Variants in HOXB6 observed in about 807,000 individuals in gnomAD.
The protein encoded by HOXB6 is homeobox B6, also known as homeobox protein Hox-B6.
A neutral mutation model predicts 24.2 loss-of-function variants in HOXB6; 18 were observed. The ratio of observed to expected loss-of-function variants is 0.74; its 90% CI spans 0.51 to 1.10. The LOEUF (loss-of-function observed/expected upper bound fraction) is 1.10, where lower values mean the gene tolerates loss of function less well. HOXB6 is among the 50% of genes least tolerant of loss of function. The pLI, the probability that HOXB6 is intolerant of heterozygous loss-of-function variation, is 0.00. For synonymous variants in HOXB6, 159 were observed against 139.1 expected, an observed-to-expected ratio of 1.14 and a Z score of -1.01; for missense variants, 332 against 308.3, an observed-to-expected ratio of 1.08 and a Z score of -0.58.
chr17:48,598,181 C>A lies in HOXB6; in HGVS notation c.-31G>T, dbSNP rs1011905095. On this transcript the variant is annotated 5_prime_UTR_variant, in exon 3 of 4. Coordinates refer to ENST00000225648, the MANE Select transcript of HOXB6 (RefSeq NM_018952.5). The stretch of plus-strand genomic sequence containing the variant: ...GGGGAGGCGCGCGCGGCCGCTGCTG[C>A]TCCGCCGGGTTTATGATTTGTTGTG... The A allele has an allele frequency of 3.2e-6, 5 of 1,544,280 alleles. No homozygotes were observed. Among genetic ancestry groups the A allele is most frequent in the Non-Finnish European group, 4.4e-6 (5 of 1,142,810 alleles).
chr17:48,598,367 G>A, intron 2 of HOXB6, 139 bp from the exon 3 acceptor site: 1 of 525,390 alleles, frequency 1.9e-6, no homozygotes, highest in Non-Finnish European at 3.3e-6. Context: ...CACCCAGGAG[G>A]AGCGCAGCCC....
chr17:48,600,819 G>A (rs745647531), intron 2 of HOXB6, among the ~76,000 whole-genome samples: 4 of 152,196 alleles, frequency 2.6e-5, no homozygotes, highest in Non-Finnish European at 4.4e-5. Context: ...GTACATAACA[G>A]AGGGATTGTA....
At position 48,598,122 on chromosome 17, in the gene HOXB6, A is replaced by G. The variant is rs1597875039; in HGVS notation, c.29T>C (p.Phe10Ser). Residue 10 changes from phenylalanine to serine, a missense_variant, in exon 3 of 4, where the codon TTC becomes TCC. By Grantham distance (155) the Phe-to-Ser change is radical. Coordinates refer to ENST00000225648, the MANE Select transcript of HOXB6 (RefSeq NM_018952.5). ...CTGCCCGCTGGCCAGAGTGACGGGG[A>G]AGGTGGAGTTCACGAAATAGGAACT... MSSYFVNST[F>S]PVTLASGQES... The G allele has an allele frequency of 4.4e-6, 7 of 1,594,318 alleles. No homozygotes were observed. The highest frequency in any genetic ancestry group is 1.7e-5 in the Admixed American group (1 of 58,784).
Position 48,596,919 on chromosome 17 carries a change from G to C in HOXB6, c.416-247C>G, listed in dbSNP as rs1406455077. The C allele has an allele frequency of 2.6e-5, 36 of 1,379,202 alleles. No homozygotes were observed. The highest frequency in any genetic ancestry group is 3.4e-5 in the Non-Finnish European group (36 of 1,057,458). 85.4% of individuals were successfully genotyped at this position (1,379,202 alleles called of 1,614,324 possible). A position where few individuals can be genotyped will look rare whatever the true frequency, so the allele number is the denominator to read the frequency against. ...AGTTTGAACTCCCACCTGAGCCTGG[G>C]GGGAGGGGCTGGTCAGGTGTGTCTC... On this transcript the variant is annotated intron_variant, in intron 3 of 3. Coordinates refer to ENST00000225648, the MANE Select transcript of HOXB6 (RefSeq NM_018952.5). The surrounding 1 kb of genome is among the most constrained non-coding windows in gnomAD (Gnocchi z 4.8).
intron 2 of HOXB6, among the ~76,000 whole-genome samples, chr17:48,603,356 C>T (rs184096069): frequency 6.6e-6 from 1 of 152,300 alleles, no homozygotes; most frequent in East Asian, 1.9e-4. Flanking sequence ...GTTCTCCGCC[C>T]TCCCCACCCC....
At chr17:48,599,837 C>G (rs2070414402) in intron 2 of HOXB6, among the ~76,000 whole-genome samples, 1 of 152,208 alleles carries the variant, frequency 6.6e-6, no homozygotes, top group African/African-American at 2.4e-5. Flanking sequence ...CCCTCCTCTG[C>G]CTTGTCCTTC....
At chr17:48,597,487 C>A (rs1215202539) in intron 3 of HOXB6, among the ~76,000 whole-genome samples, 5 of 152,120 alleles carry the variant, frequency 3.3e-5, no homozygotes, top group Admixed American at 3.3e-4. Flanking sequence ...TCTGGCCAGG[C>A]GCCCCAGGAG....
rs2070288101 is a variant in HOXB6 at position 48,596,312 on chromosome 17, C to G, written c.*101G>C. The G allele has an allele frequency of 6.4e-7, 1 of 1,562,338 alleles. No individual in the cohort carries two copies. The highest frequency in any genetic ancestry group is 8.8e-7 in the Non-Finnish European group (1 of 1,136,072). On this transcript the variant is annotated 3_prime_UTR_variant, in exon 4 of 4. Coordinates refer to ENST00000225648, the MANE Select transcript of HOXB6 (RefSeq NM_018952.5). This position sits in a 1 kb window ranked among gnomAD's most constrained non-coding sequence, Gnocchi z 4.8. ...CCTGTCTGCGCCGGAGAGCAGGTCT[C>G]CTGGCTCCCCCACCCGAGAGCCTTC... is the stretch of plus-strand genomic sequence containing the variant.
chr17:48,596,148 C>A lies in HOXB6; in HGVS notation c.*265G>T. Reference sequence around the variant, plus strand: ...AGTGAGTCCGCTCCTCAGTTCTCACCAGGAAGCCTGATCAGGCTGAGGCGA... The same window carrying A: ...AGTGAGTCCGCTCCTCAGTTCTCACAAGGAAGCCTGATCAGGCTGAGGCGA... On this transcript the variant is annotated 3_prime_UTR_variant, in exon 4 of 4. Coordinates refer to ENST00000225648, the MANE Select transcript of HOXB6 (RefSeq NM_018952.5). This position sits in a 1 kb window ranked among gnomAD's most constrained non-coding sequence, Gnocchi z 4.8. The A allele has an allele frequency of 1.5e-6, 1 of 668,540 alleles. No homozygotes were observed. The highest frequency in any genetic ancestry group is 2.9e-5 in the East Asian group (1 of 34,154). The allele number at this position is 668,540 out of a possible 1,614,324, so 41.4% of individuals were successfully genotyped here.
chr17:48,604,535 G>A lies in HOXB6; in HGVS notation c.-134C>T, dbSNP rs2070540135. ...CGGATTTAAAGGAATGGGTGGGGAG[G>A]AAGGAAGGAGTATTCAGTTTCTTCT... is the stretch of plus-strand genomic sequence containing the variant. On this transcript the variant is annotated 5_prime_UTR_variant, in exon 2 of 4. Transcript: ENST00000225648. 6.6e-6 allele frequency: 1 copy of A among 152,644 alleles called. No homozygotes were observed. Among genetic ancestry groups the A allele is most frequent in the South Asian group, 2.1e-4 (1 of 4,826 alleles). 9.5% of individuals were successfully genotyped at this position (152,644 alleles called of 1,614,324 possible).
Position 48,595,926 on chromosome 17 carries a change from C to G in HOXB6, c.*487G>C. The G allele has an allele frequency of 5.8e-6, 2 of 345,100 alleles. No homozygotes were observed. The highest frequency in any genetic ancestry group is 2.2e-5 in the African/African-American group (1 of 46,080). The allele number at this position is 345,100 out of a possible 1,614,324, so 21.4% of individuals were successfully genotyped here. On this transcript the variant is annotated 3_prime_UTR_variant, in exon 4 of 4. Transcript: ENST00000225648. ...TTTGTTTTCTTCTGAGGCTCCTCTT[C>G]TTACTTCTAGGTAGTATGTGCTCCT...
chr17:48,604,202 T>A (rs2070531941), intron 2 of HOXB6: 1 of 150,224 alleles, frequency 6.7e-6, no homozygotes, highest in Non-Finnish European at 1.5e-5. Flanking sequence ...CCCCCCTTGC[T>A]TGAGTCTCTC....
intron 2 of HOXB6, among the ~76,000 whole-genome samples, chr17:48,599,515 T>C (rs2070405238): frequency 6.6e-6 from 1 of 152,238 alleles, no homozygotes; most frequent in Non-Finnish European, 1.5e-5. Context: ...AGCAGGCTGC[T>C]TCCAGCCATC....
Position 48,597,921 on chromosome 17 carries a change from G to A in HOXB6, c.230C>T (p.Ala77Val), listed in dbSNP as rs770613987. 6.4e-7 allele frequency: 1 copy of A among 1,574,114 alleles called. No homozygotes were observed. The highest frequency in any genetic ancestry group is 2.4e-5 in the East Asian group (1 of 42,198). Residue 77 changes from alanine (A) to valine (V), a missense_variant, in exon 3 of 4, where the codon GCG (alanine) becomes GTG (valine). Transcript: ENST00000225648. ...GRAAPCDYGPAPAFYREKESA... is the reference protein window; with the variant it reads ...GRAAPCDYGPVPAFYREKESA... ...CTCTTTCTCGCGGTAGAAGGCCGGC[G>A]CCGGCCCGTAGTCGCAGGGCGCCGC... is the stretch of plus-strand genomic sequence containing the variant.
chr17:48,601,709 C>A, intron 2 of HOXB6: 1 of 185,894 alleles, frequency 5.4e-6, no homozygotes, highest in Non-Finnish European at 1.1e-5. Flanking sequence ...CACCAGGCCC[C>A]TTAACCTCGT....
intron 3 of HOXB6, among the ~76,000 whole-genome samples, chr17:48,597,349 C>T (rs2070329484): frequency 6.6e-6 from 1 of 152,090 alleles, no homozygotes; most frequent in Non-Finnish European, 1.5e-5. Flanking sequence ...TGACGCACTC[C>T]GTTTTTAATG....
chr17:48,603,251 G>A (rs1314329873), intron 2 of HOXB6, among the ~76,000 whole-genome samples: 1 of 152,172 alleles, frequency 6.6e-6, no homozygotes, highest in African/African-American at 2.4e-5. Context: ...AGCTTCCCCA[G>A]AAGCTCCCTT....
chr17:48,596,885 G>A lies in HOXB6; in HGVS notation c.416-213C>T. On this transcript the variant is annotated intron_variant, in intron 3 of 3. Coordinates refer to ENST00000225648, the MANE Select transcript of HOXB6 (RefSeq NM_018952.5). This position sits in a 1 kb window ranked among gnomAD's most constrained non-coding sequence, Gnocchi z 4.8. ...TCTGTCTAGACTCTAGATGGGGGAG[G>A]GGAGGAGCAGTTTGAACTCCCACCT... The A allele has an allele frequency of 8.0e-7, 1 of 1,247,736 alleles. No individual in the cohort carries two copies. Among genetic ancestry groups the A allele is most frequent in the Non-Finnish European group, 1.1e-6 (1 of 929,428 alleles). The allele number at this position is 1,247,736 out of a possible 1,614,324, so 77.3% of individuals were successfully genotyped here.
In HOXB6 at chr17:48,596,323, C is replaced by A. The variant is rs113202921; in HGVS notation, c.*90G>T. ...CGGAGAGCAGGTCTCCTGGCTCCCCCACCCGAGAGCCTTCCTTCCCGGGTC... is the reference window on the plus strand; with the variant it reads ...CGGAGAGCAGGTCTCCTGGCTCCCCAACCCGAGAGCCTTCCTTCCCGGGTC... On this transcript the variant is annotated 3_prime_UTR_variant, in exon 4 of 4. Coordinates refer to ENST00000225648, the MANE Select transcript of HOXB6 (RefSeq NM_018952.5). This position sits in a 1 kb window ranked among gnomAD's most constrained non-coding sequence, Gnocchi z 4.8. 5 of 1,584,242 alleles carry A rather than the reference C, an allele frequency of 3.2e-6. No homozygotes were observed. In the African/African-American group the frequency reaches 4.0e-5, roughly 13 times the overall value.
Sources: gnomAD v4.1 joint callset for allele counts (sites outside exome capture counted in the v4.1 genomes callset) on GRCh38, gnomAD v4.1.1 for gene constraint, Gnocchi (gnomAD v3.1) non-coding constraint, MANE v1.5 for transcripts, NCBI Gene and HGNC (gene_info 2026-07-23, HGNC 2026-07-21) for gene names.